The following FHIT variants were observed in gnomAD, a reference collection of about 807,000 sequenced individuals.
FHIT encodes the protein bis(5'-adenosyl)-triphosphatase.
FHIT carries 19 observed loss-of-function variants against 17.9 expected under a neutral mutation model. The ratio of observed to expected loss-of-function variants is 1.06; its 90% confidence interval spans 0.74 to 1.56. The LOEUF (loss-of-function observed/expected upper bound fraction) is 1.56. FHIT is among the 40% of genes most tolerant of loss of function. FHIT has a pLI of 0.00. For synonymous variants in FHIT, 81 were observed against 69.7 expected (o/e 1.16, Z -0.81); for missense variants, 248 against 189.2 (o/e 1.31, Z -1.82).
intron 4 of FHIT, among the ~76,000 whole-genome samples, chr3:60,648,128 G>A (rs1224950794): frequency 6.6e-6 from 1 of 152,114 alleles, no homozygotes; most frequent in Non-Finnish European, 1.5e-5. Flanking sequence ...AATGGGGTGG[G>A]GAGTCAGGGA....
intron 5 of FHIT, among the ~76,000 whole-genome samples, chr3:60,324,088 T>C (rs1343711892): frequency 1.3e-5 from 2 of 152,188 alleles, no homozygotes; most frequent in Non-Finnish European, 2.9e-5. Context: ...AACAGCTGGT[T>C]GTATTAGGAT....
chr3:60,441,768 A>ATAT (rs1559916150), intron 5 of FHIT, among the ~76,000 whole-genome samples: 1 of 35,450 alleles, frequency 2.8e-5, no homozygotes, highest in East Asian at 1.1e-3. Flanking sequence ...ATATATATAT[A>ATAT]TTTATATGTA....
At chr3:61,205,681 T>C (rs1290388812) in intron 1 of FHIT, among the ~76,000 whole-genome samples, 2 of 152,222 alleles carry the variant, frequency 1.3e-5, no homozygotes, top group Non-Finnish European at 2.9e-5. Context: ...TTTTGTCTTG[T>C]AAATTTATTT....
intron 8 of FHIT, among the ~76,000 whole-genome samples, chr3:59,901,023 T>A (rs1704304944): frequency 1.3e-5 from 2 of 152,228 alleles, no homozygotes; most frequent in African/African-American, 4.8e-5. Context: ...GCAAAAGTTT[T>A]CTTACTGTTT....
intron 2 of FHIT, among the ~76,000 whole-genome samples, chr3:61,110,906 C>T (rs890025885): frequency 4.6e-5 from 7 of 151,942 alleles, no homozygotes; most frequent in South Asian, 2.1e-4. Flanking sequence ...TAGGTTTTAC[C>T]GCTATAAAAC....
At chr3:60,101,117 G>A (rs1244486023) in intron 5 of FHIT, among the ~76,000 whole-genome samples, 1 of 152,264 alleles carries the variant, frequency 6.6e-6, no homozygotes, top group Middle Eastern at 3.4e-3. Context: ...TGACCTGCCG[G>A]CCCCCGCTCC....
At chr3:60,709,141 T>C (rs528987949) in intron 4 of FHIT, among the ~76,000 whole-genome samples, 3 of 152,230 alleles carry the variant, frequency 2.0e-5, no homozygotes, top group Non-Finnish European at 2.9e-5. Flanking sequence ...ATATTTACCA[T>C]GTTAGAAATT....
intron 5 of FHIT, among the ~76,000 whole-genome samples, chr3:60,352,907 T>C (rs1576522253): frequency 6.6e-6 from 1 of 152,102 alleles, no homozygotes; most frequent in South Asian, 2.1e-4. Flanking sequence ...CTGGTCAGAG[T>C]GGCCTCGCAT....
intron 2 of FHIT, among the ~76,000 whole-genome samples, chr3:61,182,911 C>A (rs1560048102): frequency 6.6e-6 from 1 of 152,312 alleles, no homozygotes; most frequent in East Asian, 1.9e-4. Flanking sequence ...TACTTCTATG[C>A]ACCATCTCTT....
At chr3:61,090,758 T>C (rs759384926) in intron 2 of FHIT, among the ~76,000 whole-genome samples, 2 of 152,212 alleles carry the variant, frequency 1.3e-5, no homozygotes, top group African/African-American at 2.4e-5. Flanking sequence ...ATCTAAGGAC[T>C]GTCTAAAGAT....
intron 5 of FHIT, among the ~76,000 whole-genome samples, chr3:60,306,321 C>T (rs1024306848): frequency 7.2e-5 from 11 of 152,074 alleles, no homozygotes; most frequent in African/African-American, 1.7e-4. Flanking sequence ...CAATACATCC[C>T]GCATTATTTC....
intron 4 of FHIT, among the ~76,000 whole-genome samples, chr3:60,542,704 C>T (rs1038027708): frequency 6.6e-6 from 1 of 152,244 alleles, no homozygotes; most frequent in Middle Eastern, 3.4e-3. Flanking sequence ...TTTTCACCAT[C>T]TATTAATTTC....
chr3:60,328,315 G>T (rs1559824088), intron 5 of FHIT, among the ~76,000 whole-genome samples: 2 of 152,152 alleles, frequency 1.3e-5, no homozygotes, highest in Admixed American at 1.3e-4. Context: ...TTTTCATACT[G>T]CTATGAAGAA....
chr3:60,972,334 G>A lies in FHIT; in HGVS notation c.-111+69713C>T, dbSNP rs184815110. On this transcript the variant is annotated intron_variant, in intron 3 of 9. Transcript: ENST00000492590. ...AATGTCCTTTTTGAAGGATGTGTTC[G>A]GTAGGTATAAAATTCTGAATTGGCA... Among the ~76,000 whole-genome samples the A allele has an allele frequency of 2.1e-3, 315 of 152,124 alleles. 1 individual carries two copies. The highest frequency in any genetic ancestry group is 3.3e-3 in the Non-Finnish European group (223 of 67,978).
At position 60,201,184 on chromosome 3, in the gene FHIT, G is replaced by A. The variant is rs116657518; in HGVS notation, c.104-187032C>T. On this transcript the variant is annotated intron_variant, in intron 5 of 9. Coordinates refer to ENST00000492590, the MANE Select transcript of FHIT (RefSeq NM_002012.4). ...TAACCACCACTATGTATAACAACAC[G>A]TATGTTCCACTGCTGATTTTACCAA... Among the ~76,000 whole-genome samples, 646 of 152,122 alleles carry A rather than the reference G, an allele frequency of 4.2e-3. 6 individuals carry two copies. The highest frequency in any genetic ancestry group is 0.015 in the African/African-American group (614 of 41,518).
chr3:60,141,228 A>G (rs1273992513), intron 5 of FHIT, among the ~76,000 whole-genome samples: 1 of 152,092 alleles, frequency 6.6e-6, no homozygotes, highest in Admixed American at 6.5e-5. Flanking sequence ...AAATGCACAG[A>G]TAATTGATTA....
At chr3:60,959,477 T>C (rs1308428985) in intron 3 of FHIT, among the ~76,000 whole-genome samples, 4 of 152,082 alleles carry the variant, frequency 2.6e-5, no homozygotes, top group South Asian at 2.1e-4. Flanking sequence ...GACAAAAACA[T>C]ATTATATGTG....
chr3:59,747,628 G>A lies in FHIT; in HGVS notation c.*1957C>T, dbSNP rs778207011. Among the ~76,000 whole-genome samples the A allele has an allele frequency of 6.6e-6, 1 of 152,084 alleles. No homozygotes were observed. Among genetic ancestry groups the A allele is most frequent in the Non-Finnish European group, 1.5e-5 (1 of 68,016 alleles). ...CTTTATTCTTATATAGGGCATCTCT[G>A]GATATAGGTGTTCACATTCTTCTTT... is the stretch of plus-strand genomic sequence containing the variant. On this transcript the variant is annotated 3_prime_UTR_variant, in exon 10 of 10. Transcript: ENST00000492590.
chr3:60,239,494 G>A (rs554640180), intron 5 of FHIT, among the ~76,000 whole-genome samples: 2 of 152,158 alleles, frequency 1.3e-5, no homozygotes, highest in Non-Finnish European at 1.5e-5. Context: ...ATGCCCAGGA[G>A]CTCAAGGCTG....
Sources: gnomAD v4.1 joint callset for allele counts (sites outside exome capture counted in the v4.1 genomes callset) on GRCh38, gnomAD v4.1.1 for gene constraint, MANE v1.5 for transcripts, NCBI Gene and HGNC (gene_info 2026-07-23, HGNC 2026-07-21) for gene names.